The following CA10 variants were observed in gnomAD, a reference collection of about 807,000 sequenced individuals.
The protein encoded by CA10 is carbonic anhydrase 10 (inactive).
In CA10, 14 loss-of-function variants were observed where a neutral mutation model predicts 44.2. The ratio of observed to expected loss-of-function variants is 0.32; its 90% CI spans 0.21 to 0.50. The LOEUF is 0.50. Ranked by LOEUF, CA10 falls within the 20% of genes least tolerant of loss-of-function variation. CA10 has a pLI of 0.99. For synonymous variants in CA10, 159 were observed against 141.6 expected, an observed-to-expected ratio of 1.12 and a Z score of -0.87; for missense variants, 350 against 409.7, an observed-to-expected ratio of 0.85 and a Z score of 1.26.
intron 3 of CA10, among the ~76,000 whole-genome samples, chr17:51,904,080 C>A (rs1398282741): frequency 1.3e-5 from 2 of 151,400 alleles, no homozygotes; most frequent in Non-Finnish European, 2.9e-5. Context: ...ACAGGGTGAC[C>A]AACCCACCCT....
At chr17:51,958,138 T>C (rs1328792957) in intron 2 of CA10, among the ~76,000 whole-genome samples, 1 of 152,154 alleles carries the variant, frequency 6.6e-6, no homozygotes, top group Non-Finnish European at 1.5e-5. Flanking sequence ...GTTCATTAAA[T>C]GACGTATGTA....
intron 3 of CA10, among the ~76,000 whole-genome samples, chr17:51,889,541 AC>A (rs1328725415): frequency 6.6e-6 from 1 of 151,910 alleles, no homozygotes; most frequent in African/African-American, 2.4e-5. Flanking sequence ...ATAAAACCAA[AC>A]CAAACCAAAC....
intron 2 of CA10, among the ~76,000 whole-genome samples, chr17:52,045,509 A>G (rs1165240219): frequency 1.3e-5 from 2 of 152,078 alleles, no homozygotes; most frequent in African/African-American, 2.4e-5. Flanking sequence ...GAGTAGGAAT[A>G]AAATATATGA....
chr17:51,989,651 G>C (rs955557330), intron 2 of CA10, among the ~76,000 whole-genome samples: 2 of 152,060 alleles, frequency 1.3e-5, no homozygotes, highest in Admixed American at 6.6e-5. Context: ...GTCCTTTACA[G>C]GGACATGGAT....
intron 3 of CA10, among the ~76,000 whole-genome samples, chr17:51,902,631 T>G (rs1350511654): frequency 6.6e-6 from 1 of 152,182 alleles, no homozygotes; most frequent in African/African-American, 2.4e-5. Context: ...TGATTCCTCT[T>G]GGCAGGAAAG....
intron 1 of CA10, among the ~76,000 whole-genome samples, chr17:52,119,561 G>C (rs1403477032): frequency 6.6e-6 from 1 of 152,060 alleles, no homozygotes; most frequent in Non-Finnish European, 1.5e-5. Flanking sequence ...AGGTATTTGA[G>C]GGTACAAACT....
At chr17:52,079,415 C>A (rs1987905973) in intron 1 of CA10, among the ~76,000 whole-genome samples, 1 of 151,034 alleles carries the variant, frequency 6.6e-6, no homozygotes, top group African/African-American at 2.4e-5. Context: ...GCAGAGATCA[C>A]ACCACTGCAC....
chr17:52,075,813 A>G, intron 1 of CA10, among the ~76,000 whole-genome samples: 1 of 152,166 alleles, frequency 6.6e-6, no homozygotes, highest in East Asian at 1.9e-4. Flanking sequence ...CATTATGTTG[A>G]ACACTAGAGG....
At chr17:51,634,347 G>A (rs1035991051) in intron 7 of CA10, among the ~76,000 whole-genome samples, 3 of 152,208 alleles carry the variant, frequency 2.0e-5, no homozygotes, top group African/African-American at 7.2e-5. Context: ...ACTGTTGCCT[G>A]TCACCCAGTG....
intron 2 of CA10, among the ~76,000 whole-genome samples, chr17:51,986,235 A>G (rs1310405328): frequency 1.3e-5 from 2 of 152,028 alleles, no homozygotes. Context: ...TTGGCAAAGC[A>G]AACAAAAACA....
At chr17:52,125,171 C>T (rs1171070725) in intron 1 of CA10, among the ~76,000 whole-genome samples, 2 of 152,220 alleles carry the variant, frequency 1.3e-5, no homozygotes, top group Non-Finnish European at 1.5e-5. Flanking sequence ...GCTGAGTCAG[C>T]GTTGGTGTCA....
intron 6 of CA10, among the ~76,000 whole-genome samples, chr17:51,637,476 C>A (rs1912881650): frequency 6.6e-6 from 1 of 152,194 alleles, no homozygotes. Flanking sequence ...TGGCAGGGTC[C>A]CAAAGCCTGG....
chr17:51,645,057 A>G (rs1042853928), intron 6 of CA10, among the ~76,000 whole-genome samples: 4 of 152,024 alleles, frequency 2.6e-5, no homozygotes, highest in Admixed American at 2.0e-4. Flanking sequence ...CGGCCTCCCA[A>G]AGTGCTGGGA....
chr17:51,730,087 G>A (rs1437966943), intron 4 of CA10, among the ~76,000 whole-genome samples: 1 of 152,202 alleles, frequency 6.6e-6, no homozygotes, highest in Non-Finnish European at 1.5e-5. Flanking sequence ...TGGCTCCAGT[G>A]TGGAGGACTC....
intron 3 of CA10, among the ~76,000 whole-genome samples, chr17:51,763,744 T>C (rs976041352): frequency 3.3e-5 from 5 of 152,080 alleles, no homozygotes; most frequent in African/African-American, 4.8e-5. Flanking sequence ...GTTGCTTATA[T>C]ACACACACAC....
intron 4 of CA10, among the ~76,000 whole-genome samples, chr17:51,677,628 C>T (rs573075202): frequency 1.3e-5 from 2 of 151,810 alleles, no homozygotes; most frequent in Admixed American, 1.3e-4. Flanking sequence ...TTAAAAAAAA[C>T]CAAATATGTA....
At chr17:52,087,797 G>C (rs1362912413) in intron 1 of CA10, among the ~76,000 whole-genome samples, 1 of 152,198 alleles carries the variant, frequency 6.6e-6, no homozygotes, top group East Asian at 1.9e-4. Context: ...ATTTAAGACA[G>C]TGTTTTATGC....
chr17:51,731,490 T>C (rs1916717433), intron 4 of CA10, among the ~76,000 whole-genome samples: 1 of 152,076 alleles, frequency 6.6e-6, no homozygotes, highest in African/African-American at 2.4e-5. Context: ...TGTGGACATA[T>C]CTGATGGACA....
chr17:52,106,578 C>T (rs1245949560), intron 1 of CA10, among the ~76,000 whole-genome samples: 2 of 152,116 alleles, frequency 1.3e-5, no homozygotes, highest in Non-Finnish European at 1.5e-5. Flanking sequence ...CACCAAGAGC[C>T]CTGACAATGA....
Sources: gnomAD v4.1 joint callset for allele counts (sites outside exome capture counted in the v4.1 genomes callset) on GRCh38, gnomAD v4.1.1 for gene constraint, MANE v1.5 for transcripts, NCBI Gene and HGNC (gene_info 2026-07-23, HGNC 2026-07-21) for gene names.